The following CHRM3 variants were observed in gnomAD, a reference collection of about 807,000 sequenced individuals.
CHRM3 encodes the protein cholinergic receptor muscarinic 3, also known as muscarinic acetylcholine receptor M3.
In CHRM3, 11 loss-of-function variants were observed where a neutral mutation model predicts 41.8. That is an observed-to-expected ratio of 0.26 (90% CI 0.17 to 0.44). The LOEUF is 0.44. CHRM3 is among the 20% of genes least tolerant of loss of function. CHRM3 has a pLI of 1.00. For missense variants in CHRM3, 571 were observed against 745.4 expected, an observed-to-expected ratio of 0.77 and a Z score of 2.72; for synonymous variants, 297 against 301.4, an observed-to-expected ratio of 0.99 and a Z score of 0.15.
chr1:239,605,223 A>G (rs943013048), intron 3 of CHRM3, among the ~76,000 whole-genome samples: 3 of 152,192 alleles, frequency 2.0e-5, no homozygotes, highest in African/African-American at 7.2e-5. Context: ...TGACATTTCC[A>G]TCAATGAGGG....
intron 5 of CHRM3, among the ~76,000 whole-genome samples, chr1:239,816,674 T>C (rs969866987): frequency 1.3e-5 from 2 of 151,974 alleles, no homozygotes; most frequent in African/African-American, 4.8e-5. Context: ...TAAGCCCTAT[T>C]CTGCCTGTGT....
chr1:239,755,769 A>G (rs1405829596), intron 5 of CHRM3, among the ~76,000 whole-genome samples: 1 of 152,154 alleles, frequency 6.6e-6, no homozygotes, highest in Non-Finnish European at 1.5e-5. Flanking sequence ...ATACTGGAGC[A>G]AGCCAGAGTG....
intron 1 of CHRM3, among the ~76,000 whole-genome samples, chr1:239,464,432 C>T (rs550645381): frequency 1.2e-4 from 18 of 152,202 alleles, no homozygotes; most frequent in African/African-American, 2.6e-4. Flanking sequence ...CCTTACTTCC[C>T]GCGACTGGGA....
chr1:239,454,711 T>G (rs1664795143), intron 1 of CHRM3, among the ~76,000 whole-genome samples: 1 of 152,134 alleles, frequency 6.6e-6, no homozygotes, highest in Non-Finnish European at 1.5e-5. Context: ...TTTGGAGATT[T>G]CAAAAGTTGT....
At chr1:239,521,559 A>C (rs2148268098) in intron 2 of CHRM3, among the ~76,000 whole-genome samples, 1 of 152,310 alleles carries the variant, frequency 6.6e-6, no homozygotes, top group Non-Finnish European at 1.5e-5. Flanking sequence ...AAATATTTCA[A>C]GTGATTCCTG....
rs565291542 is a variant in CHRM3, at chr1:239,728,799, G to A, written c.-147+50511G>A. Among the ~76,000 whole-genome samples the A allele has an allele frequency of 3.3e-5, 5 of 151,826 alleles. No homozygotes were observed. The South Asian group carries it at 1.0e-3, about 32-fold the overall frequency. On this transcript the variant is annotated intron_variant, in intron 5 of 6. Transcript: ENST00000676153. ...TGCACACACACACACTCACATATAC[G>A]CCCTTTGAATCATCACAAGCACTTT...
intron 3 of CHRM3, among the ~76,000 whole-genome samples, chr1:239,606,423 C>G (rs893512171): frequency 6.6e-6 from 1 of 151,928 alleles, no homozygotes; most frequent in South Asian, 2.1e-4. Flanking sequence ...CTACAGGCGC[C>G]CACCAGCACG....
intron 5 of CHRM3, among the ~76,000 whole-genome samples, chr1:239,689,431 A>G (rs559042330): frequency 5.6e-4 from 85 of 152,314 alleles, no homozygotes; most frequent in African/African-American, 2.0e-3. Context: ...GAAAAAATGA[A>G]TAAAAATATA....
chr1:239,846,872 A>G (rs1056570397), intron 6 of CHRM3, among the ~76,000 whole-genome samples: 8 of 152,236 alleles, frequency 5.3e-5, no homozygotes, highest in Non-Finnish European at 8.8e-5. Context: ...TTGATAGAAC[A>G]TCTTGTAAGA....
intron 5 of CHRM3, among the ~76,000 whole-genome samples, chr1:239,764,308 T>G (rs1005928267): frequency 3.3e-5 from 5 of 152,100 alleles, no homozygotes; most frequent in African/African-American, 1.2e-4. Flanking sequence ...AAAAGGGGAA[T>G]ATTGACACTA....
At chr1:239,585,886 C>G (rs1663349446) in intron 3 of CHRM3, among the ~76,000 whole-genome samples, 1 of 152,194 alleles carries the variant, frequency 6.6e-6, no homozygotes, top group African/African-American at 2.4e-5. Flanking sequence ...CATTTTGCTT[C>G]AACTAAAAAA....
At chr1:239,773,525 T>C (rs1199470606) in intron 5 of CHRM3, among the ~76,000 whole-genome samples, 4 of 152,234 alleles carry the variant, frequency 2.6e-5, no homozygotes, top group African/African-American at 9.6e-5. Flanking sequence ...TTCTCATTGC[T>C]TTGTATAACA....
chr1:239,770,214 G>C (rs1011008968), intron 5 of CHRM3, among the ~76,000 whole-genome samples: 2 of 152,064 alleles, frequency 1.3e-5, no homozygotes, highest in Admixed American at 1.3e-4. Context: ...TAAAATTCAC[G>C]GGACGTAGGT....
chr1:239,661,773 A>G (rs542108362), intron 4 of CHRM3, among the ~76,000 whole-genome samples: 5 of 152,306 alleles, frequency 3.3e-5, no homozygotes, highest in East Asian at 3.9e-4. Flanking sequence ...CACAGAATGT[A>G]CAACACGGAG....
chr1:239,641,734 G>C (rs1008846742), intron 4 of CHRM3, among the ~76,000 whole-genome samples: 8 of 140,566 alleles, frequency 5.7e-5, no homozygotes, highest in Non-Finnish European at 1.1e-4. Context: ...GCCAGTCTGT[G>C]TCTTTTAATT....
At position 239,531,774 on chromosome 1, in the gene CHRM3, C is replaced by T. The variant is rs987137062; in HGVS notation, c.-421-13867C>T. Among the ~76,000 whole-genome samples, 4 of 145,000 alleles carry T rather than the reference C, an allele frequency of 2.8e-5. No homozygotes were observed. In the South Asian group the frequency reaches 8.9e-4, roughly 32 times the overall value. On this transcript the variant is annotated intron_variant, in intron 2 of 6. Transcript: ENST00000676153. ...TGCTGGGTTCATGCAATTCTCCTGT[C>T]TCAGCCTCCCGAGTAGCTGGGACCA...
intron 6 of CHRM3, among the ~76,000 whole-genome samples, chr1:239,872,724 C>T (rs141065629): frequency 6.6e-6 from 1 of 152,220 alleles, no homozygotes; most frequent in East Asian, 1.9e-4. Flanking sequence ...ATTCTGACAG[C>T]CTGCAGTCAA....
In CHRM3 at chr1:239,580,689, T is replaced by TTATATATATATATATATATATA. The variant is rs1165930612; in HGVS notation, c.-313+34956_-313+34957insTATATATATATATATATATATA. On this transcript the variant is annotated intron_variant, in intron 3 of 6. Transcript: ENST00000676153. ...GCCACTCAGGCTACTTTGCCCAATT[T>TTATATATATATATATATATATA]TATATATATATATATACACACACAC... Among the ~76,000 whole-genome samples, 519 of 64,696 alleles carry TTATATATATATATATATATATA rather than the reference T, an allele frequency of 8.0e-3. 6 individuals are homozygous for TTATATATATATATATATATATA. The highest frequency in any genetic ancestry group is 0.022 in the Admixed American group (97 of 4,456). 42.4% of individuals were successfully genotyped at this position (64,696 alleles called of 152,430 possible).
chr1:239,792,422 T>A (rs1232981727), intron 5 of CHRM3, among the ~76,000 whole-genome samples: 2 of 152,074 alleles, frequency 1.3e-5, no homozygotes, highest in Non-Finnish European at 2.9e-5. Flanking sequence ...GAGAGCTGGT[T>A]TGCCAGGCTC....
Sources: allele counts gnomAD v4.1 joint callset (sites outside exome capture counted in the v4.1 genomes callset), GRCh38; gene constraint gnomAD v4.1.1; transcripts MANE v1.5; gene names NCBI Gene and HGNC (gene_info 2026-07-23, HGNC 2026-07-21).